Variants in SAE1 observed in about 807,000 individuals in gnomAD.
The protein encoded by SAE1 is SUMO1 activating enzyme subunit 1, also known as SUMO-activating enzyme subunit 1.
SAE1 carries 11 observed loss-of-function variants against 40.6 expected under a neutral mutation model. That is an observed-to-expected ratio of 0.27 (90% confidence interval 0.17 to 0.45). SAE1 has a LOEUF of 0.45. SAE1 is among the 20% of genes least tolerant of loss of function. SAE1 has a pLI of 1.00. For synonymous variants in SAE1, 155 were observed against 154.3 expected (o/e 1.00, Z -0.03); for missense variants, 373 against 427.3 (o/e 0.87, Z 1.12).
intron 6 of SAE1, among the ~76,000 whole-genome samples, chr19:47,194,606 T>C (rs116558259): frequency 2.0e-5 from 3 of 152,112 alleles, no homozygotes; most frequent in African/African-American, 7.2e-5. Flanking sequence ...AAGAGTATTG[T>C]CCTTAGAGAC....
rs191116331 is a variant in SAE1 at position 47,144,647 on chromosome 19, C to G, written c.210+1042C>G. Among the ~76,000 whole-genome samples, 788 of 149,086 alleles carry G rather than the reference C, an allele frequency of 5.3e-3. 6 individuals are homozygous for G. The highest frequency in any genetic ancestry group is 0.018 in the African/African-American group (744 of 40,540). ...CTGGGAGGCGGAGCTTGCAACGAGC[C>G]GAGATCATGCCACTGCACTCCAGCC... is the stretch of plus-strand genomic sequence containing the variant. On this transcript the variant is annotated intron_variant, in intron 2 of 8. Transcript: ENST00000270225.
rs1338493986 is a variant in SAE1, at chr19:47,209,214, A to G, written c.1004A>G (p.Lys335Arg). Residue 335 changes from lysine (K) to arginine (R), a missense_variant, in exon 9 of 9, where the codon AAG becomes AGG. Around this residue, in one of 3 missense-constraint regions of SAE1, gnomAD observed 351 missense variants for 390.6 expected, o/e 0.90. Coordinates refer to ENST00000270225, the MANE Select transcript of SAE1 (RefSeq NM_005500.3). ...HNNFFFFDGM[K>R]GNGIVECLGP... is the part of the protein sequence containing the mutation. ...AACTTCTTCTTCTTCGATGGCATGA[A>G]GGGGAATGGGATTGTGGAGTGCCTT... The G allele has an allele frequency of 1.2e-6, 2 of 1,613,996 alleles. No individual in the cohort carries two copies. The highest frequency in any genetic ancestry group is 1.7e-6 in the Non-Finnish European group (2 of 1,180,008).
At chr19:47,137,605 C>A (rs781694883) in intron 1 of SAE1, among the ~76,000 whole-genome samples, 26 of 151,900 alleles carry the variant, frequency 1.7e-4, no homozygotes, top group South Asian at 1.0e-3. Context: ...TCAAGGGATT[C>A]TCCCGCCTCA....
At chr19:47,178,343 A>T (rs1198766853) in intron 6 of SAE1, among the ~76,000 whole-genome samples, 1 of 152,210 alleles carries the variant, frequency 6.6e-6, no homozygotes. Flanking sequence ...CTGAATCCAG[A>T]TAGCTAGGAG....
At chr19:47,163,958 G>A (rs2058374094) in intron 5 of SAE1, among the ~76,000 whole-genome samples, 1 of 150,692 alleles carries the variant, frequency 6.6e-6, no homozygotes, top group Non-Finnish European at 1.5e-5. Flanking sequence ...TAAGTAGAGG[G>A]CGTTTTCACC....
At chr19:47,203,616 C>A in intron 7 of SAE1, 55 bp from the exon 8 acceptor site, 2 of 1,521,666 alleles carry the variant, frequency 1.3e-6, no homozygotes, top group Non-Finnish European at 9.1e-7. Context: ...CTCCAGATGT[C>A]ATGGTCACAG....
At chr19:47,159,447 C>A (rs1483686750) in intron 5 of SAE1, among the ~76,000 whole-genome samples, 1 of 152,114 alleles carries the variant, frequency 6.6e-6, no homozygotes, top group East Asian at 1.9e-4. Flanking sequence ...TGCTAGACTC[C>A]TAGTCCAGTG....
rs547278097 is a variant in SAE1 at position 47,167,439 on chromosome 19, G to A, written c.628-2379G>A. On this transcript the variant is annotated intron_variant, in intron 5 of 8. Transcript: ENST00000270225. ...GTATTTTTAGTAGAGACGGAGTTTCGCCATGTTAGCCAGGATGGTCTCGAT... is the reference window on the plus strand; with the variant it reads ...GTATTTTTAGTAGAGACGGAGTTTCACCATGTTAGCCAGGATGGTCTCGAT... Among the ~76,000 whole-genome samples the A allele has an allele frequency of 9.5e-4, 143 of 150,074 alleles. 2 individuals carry two copies. The Middle Eastern group carries it at 0.039, about 41-fold the overall frequency.
rs2058667768 is a variant in SAE1 at position 47,203,668 on chromosome 19, T to C, written c.879-3T>C. The C allele has an allele frequency of 3.7e-6, 6 of 1,613,944 alleles. No individual in the cohort carries two copies. The highest frequency in any genetic ancestry group is 4.2e-6 in the Non-Finnish European group (5 of 1,179,806). ...CCATTTTCCTTGTCTTCCTCTCTTT[T>C]AGGTACTGCTTCTCCGAGATGGCCC... On this transcript the variant is annotated splice_polypyrimidine_tract_variant and splice_region_variant and intron_variant, in intron 7 of 8. Coordinates refer to ENST00000270225, the MANE Select transcript of SAE1 (RefSeq NM_005500.3).
chr19:47,156,136 A>G (rs1446487797), intron 5 of SAE1, among the ~76,000 whole-genome samples: 1 of 151,716 alleles, frequency 6.6e-6, no homozygotes, highest in Non-Finnish European at 1.5e-5. Flanking sequence ...GTCTGGCGTG[A>G]TGGTGAGCAC....
At chr19:47,196,333 C>CTTT (rs61498882) in intron 6 of SAE1, among the ~76,000 whole-genome samples, 28 of 27,888 alleles carry the variant, frequency 1.0e-3, no homozygotes, top group African/African-American at 4.9e-3. Flanking sequence ...CCGCGCCTGG[C>CTTT]TTTTTTTTTT....
chr19:47,145,570 A>T (rs2058250816), intron 2 of SAE1, among the ~76,000 whole-genome samples: 1 of 152,046 alleles, frequency 6.6e-6, no homozygotes, highest in Non-Finnish European at 1.5e-5. Context: ...TGCCTCAGTG[A>T]CATTTTATTT....
intron 8 of SAE1, among the ~76,000 whole-genome samples, chr19:47,207,824 T>C (rs921317695): frequency 1.2e-4 from 18 of 152,034 alleles, no homozygotes; most frequent in Admixed American, 7.2e-4. Context: ...TTTGTAGATA[T>C]GGGGTTTTGC....
At chr19:47,165,635 C>T (rs867148769) in intron 5 of SAE1, among the ~76,000 whole-genome samples, 2 of 152,140 alleles carry the variant, frequency 1.3e-5, no homozygotes, top group African/African-American at 4.8e-5. Context: ...AAGGCATTGT[C>T]GGGTGTATTT....
chr19:47,184,105 T>G (rs901766558), intron 6 of SAE1, among the ~76,000 whole-genome samples: 2 of 152,200 alleles, frequency 1.3e-5, no homozygotes, highest in Non-Finnish European at 2.9e-5. Flanking sequence ...TGGAATCGCC[T>G]GACATTTTTA....
intron 6 of SAE1, among the ~76,000 whole-genome samples, chr19:47,173,155 C>T (rs2058445722): frequency 6.6e-6 from 1 of 152,134 alleles, no homozygotes; most frequent in Admixed American, 6.6e-5. Context: ...CGCACCACCA[C>T]ACCCAGCTAA....
chr19:47,162,575 A>T (rs574433117), intron 5 of SAE1, among the ~76,000 whole-genome samples: 1 of 152,194 alleles, frequency 6.6e-6, no homozygotes, highest in South Asian at 2.1e-4. Context: ...CTTTTTAAAG[A>T]TTCTTGGTCC....
chr19:47,142,776 A>T (rs1568586243), intron 1 of SAE1, among the ~76,000 whole-genome samples: 1 of 151,970 alleles, frequency 6.6e-6, no homozygotes, highest in East Asian at 1.9e-4. Flanking sequence ...CCTTTATTTC[A>T]TTTTGATTTT....
At chr19:47,166,382 C>A (rs1036215603) in intron 5 of SAE1, among the ~76,000 whole-genome samples, 3 of 152,018 alleles carry the variant, frequency 2.0e-5, no homozygotes, top group Non-Finnish European at 2.9e-5. Flanking sequence ...ATGAAGAAGG[C>A]GAGTTTGTCA....
Sources: allele counts gnomAD v4.1 joint callset (sites outside exome capture counted in the v4.1 genomes callset), GRCh38; gene constraint gnomAD v4.1.1; regional missense constraint gnomAD v4.1.1; transcripts MANE v1.5; gene names NCBI Gene and HGNC (gene_info 2026-07-23, HGNC 2026-07-21).